Variants in AP3S2 observed in about 807,000 individuals in gnomAD.
AP3S2 encodes AP-3 complex subunit sigma-2.
AP3S2 carries 22 observed loss-of-function variants against 23.4 expected under a neutral mutation model. The ratio of observed to expected loss-of-function variants is 0.94; its 90% CI spans 0.67 to 1.34. AP3S2 has a LOEUF of 1.34. AP3S2 is among the 40% of genes most tolerant of loss of function. The probability of loss-of-function intolerance (pLI) is 0.00; values close to 1 mark genes in which losing one functional copy is unlikely to be tolerated. For synonymous variants in AP3S2, 86 were observed against 87.1 expected, an observed-to-expected ratio of 0.99 and a Z score of 0.07; for missense variants, 241 against 236.9, an observed-to-expected ratio of 1.02 and a Z score of -0.11.
chr15:89,872,753 T>G (rs968786836), intron 3 of AP3S2, among the ~76,000 whole-genome samples: 2 of 152,170 alleles, frequency 1.3e-5, no homozygotes, highest in African/African-American at 4.8e-5. Context: ...ACGCACACTA[T>G]TGGAGCTGAT....
intron 1 of AP3S2, among the ~76,000 whole-genome samples, chr15:89,892,246 G>A (rs1424352726): frequency 6.6e-6 from 1 of 152,222 alleles, no homozygotes; most frequent in Non-Finnish European, 1.5e-5. Context: ...GAGAGTCATG[G>A]AGAAATAGGG....
intron 4 of AP3S2, among the ~76,000 whole-genome samples, chr15:89,855,813 G>A (rs1895817263): frequency 6.9e-6 from 1 of 144,308 alleles, no homozygotes; most frequent in African/African-American, 2.6e-5. Context: ...TTGCACCATT[G>A]CACTCCAGCC....
chr15:89,871,356 C>T (rs1896313940), intron 4 of AP3S2, 119 bp downstream of exon 4: 2 of 898,850 alleles, frequency 2.2e-6, no homozygotes, highest in Non-Finnish European at 3.3e-6. Context: ...TGTTCTAGGA[C>T]TATCTTAAGA....
chr15:89,875,131 GTAC>G (rs1680682754), intron 3 of AP3S2, among the ~76,000 whole-genome samples: 11 of 152,232 alleles, frequency 7.2e-5, no homozygotes, highest in Admixed American at 4.6e-4. Context: ...GAGGTGGCTG[GTAC>G]TGCTAAAAGC....
chr15:89,854,364 T>C (rs1432317906), intron 4 of AP3S2, among the ~76,000 whole-genome samples: 16 of 28,996 alleles, frequency 5.5e-4, no homozygotes, highest in South Asian at 2.1e-3. Flanking sequence ...GCCCCCCGCC[T>C]GGCCAGCCGC....
intron 1 of AP3S2, among the ~76,000 whole-genome samples, chr15:89,890,941 T>G (rs1896807408): frequency 6.6e-6 from 1 of 152,204 alleles, no homozygotes; most frequent in Non-Finnish European, 1.5e-5. Flanking sequence ...TAATCACTAT[T>G]TTCCTCATTT....
intron 4 of AP3S2, among the ~76,000 whole-genome samples, chr15:89,858,272 T>C (rs1360475872): frequency 1.3e-5 from 2 of 151,534 alleles, no homozygotes; most frequent in Non-Finnish European, 1.5e-5. Flanking sequence ...ACTCCGTCTC[T>C]ACTAAAAAAA....
chr15:89,845,277 C>A (rs1192922634), intron 4 of AP3S2: 1 of 152,136 alleles, frequency 6.6e-6, no homozygotes, highest in African/African-American at 2.4e-5. Flanking sequence ...ATTACAGTAC[C>A]AGTTTACTGG....
intron 4 of AP3S2, among the ~76,000 whole-genome samples, chr15:89,867,697 G>C (rs1394559931): frequency 2.9e-5 from 4 of 137,358 alleles, no homozygotes; most frequent in African/African-American, 5.5e-5. Context: ...GCCTCTGCCC[G>C]GCCGAGACCC....
intron 4 of AP3S2, among the ~76,000 whole-genome samples, chr15:89,842,201 A>G (rs1895345014): frequency 7.1e-6 from 1 of 140,804 alleles, no homozygotes; most frequent in Admixed American, 7.0e-5. Context: ...AGAGAAATGG[A>G]AAAAAAAAAT....
At chr15:89,881,708 A>G (rs1189773045) in intron 3 of AP3S2, among the ~76,000 whole-genome samples, 1 of 152,240 alleles carries the variant, frequency 6.6e-6, no homozygotes, top group Non-Finnish European at 1.5e-5. Flanking sequence ...TAAAAATTCA[A>G]ATGTGTGAGG....
At chr15:89,854,583 A>T (rs1264419235) in intron 4 of AP3S2, among the ~76,000 whole-genome samples, 2 of 31,116 alleles carry the variant, frequency 6.4e-5, no homozygotes, top group African/African-American at 2.8e-4. Flanking sequence ...GGGGGTCAGC[A>T]CCCCCGCCCA....
chr15:89,878,251 G>C (rs1333622223), intron 3 of AP3S2: 1 of 647,490 alleles, frequency 1.5e-6, no homozygotes, highest in Admixed American at 2.9e-5. Context: ...AACTGTAGGA[G>C]AATATTTTCA....
chr15:89,890,714 A>C (rs1346513209), intron 1 of AP3S2, among the ~76,000 whole-genome samples: 1 of 152,228 alleles, frequency 6.6e-6, no homozygotes, highest in Non-Finnish European at 1.5e-5. Flanking sequence ...ACTTGCCCCA[A>C]GAGTTAGAAA....
chr15:89,870,251 GTGCT>G (rs975822812), intron 4 of AP3S2, among the ~76,000 whole-genome samples: 19 of 152,210 alleles, frequency 1.2e-4, no homozygotes, highest in African/African-American at 4.1e-4. Flanking sequence ...ACAACTCTAA[GTGCT>G]TGCAAAGAAA....
At chr15:89,840,910 C>A (rs1480010875) in intron 4 of AP3S2, among the ~76,000 whole-genome samples, 1 of 152,186 alleles carries the variant, frequency 6.6e-6, no homozygotes, top group South Asian at 2.1e-4. Context: ...CATCCCTGAC[C>A]CCTAGTCCAC....
Position 89,835,437 on chromosome 15 carries a change from G to A in AP3S2, c.*78C>T, listed in dbSNP as rs1895164565. On this transcript the variant is annotated 3_prime_UTR_variant, in exon 6 of 6. Coordinates refer to ENST00000336418, the MANE Select transcript of AP3S2 (RefSeq NM_005829.5). ...GCTTGACTCTTCTAAGGCTCAAAAT[G>A]GGTTCTGTTTCCAGACGTGCTTGCC... 1 of 1,588,312 alleles carries A rather than the reference G, an allele frequency of 6.3e-7. No individual in the cohort carries two copies. Among genetic ancestry groups the A allele is most frequent in the Non-Finnish European group, 8.6e-7 (1 of 1,166,394 alleles).
At chr15:89,879,235 T>G (rs1463245795) in intron 3 of AP3S2, among the ~76,000 whole-genome samples, 2 of 152,268 alleles carry the variant, frequency 1.3e-5, no homozygotes, top group Non-Finnish European at 1.5e-5. Flanking sequence ...AGATACATTC[T>G]TATTACATTC....
At chr15:89,850,244 C>A (rs193245460) in intron 4 of AP3S2, among the ~76,000 whole-genome samples, 18 of 152,284 alleles carry the variant, frequency 1.2e-4, no homozygotes, top group Admixed American at 7.2e-4. Flanking sequence ...CCATGGTTTT[C>A]CCTAGATGTC....
Sources: allele counts gnomAD v4.1 joint callset (sites outside exome capture counted in the v4.1 genomes callset), GRCh38; gene constraint gnomAD v4.1.1; transcripts MANE v1.5; gene names NCBI Gene and HGNC (gene_info 2026-07-23, HGNC 2026-07-21).